The following ADK variants were observed in gnomAD, a reference collection of about 807,000 sequenced individuals.
The protein encoded by ADK is adenosine kinase, also known as N6,N6-dimethyladenosine kinase.
In ADK, 24 loss-of-function variants were observed where a neutral mutation model predicts 44.7. That is an observed-to-expected ratio of 0.54 (90% CI 0.39 to 0.76). The LOEUF (loss-of-function observed/expected upper bound fraction) is 0.76. Among genes scored for constraint, ADK ranks in the 30% least tolerant of loss-of-function variants. ADK has a pLI of 0.00. For missense variants in ADK, 321 were observed against 425.1 expected, an observed-to-expected ratio of 0.76 and a Z score of 2.15; for synonymous variants, 128 against 142.6, an observed-to-expected ratio of 0.90 and a Z score of 0.73.
At chr10:74,374,126 T>C (rs894853090) in intron 4 of ADK, among the ~76,000 whole-genome samples, 14 of 152,148 alleles carry the variant, frequency 9.2e-5, no homozygotes, top group Admixed American at 3.3e-4. Context: ...CTGGGACTTG[T>C]GAAGATGAGG....
intron 3 of ADK, among the ~76,000 whole-genome samples, chr10:74,254,208 A>G (rs771462813): frequency 1.4e-4 from 21 of 152,228 alleles, no homozygotes; most frequent in Non-Finnish European, 2.5e-4. Flanking sequence ...AGAGCATTAT[A>G]GAGATAGATT....
intron 10 of ADK, among the ~76,000 whole-genome samples, chr10:74,684,568 C>T (rs537406484): frequency 1.6e-4 from 24 of 152,170 alleles, no homozygotes; most frequent in African/African-American, 3.1e-4. Context: ...CCTAGGAGTT[C>T]AAAATGAGCC....
At chr10:74,218,298 G>A (rs978586477) in intron 2 of ADK, among the ~76,000 whole-genome samples, 10 of 152,138 alleles carry the variant, frequency 6.6e-5, no homozygotes, top group African/African-American at 2.4e-4. Flanking sequence ...GTGAAATGAA[G>A]CGAGAAGGGA....
chr10:74,520,478 A>T (rs1285199408), intron 6 of ADK, among the ~76,000 whole-genome samples: 1 of 151,992 alleles, frequency 6.6e-6, no homozygotes, highest in Admixed American at 6.6e-5. Context: ...ACACATACAC[A>T]TACCCCTATT....
At chr10:74,403,733 T>C (rs568115256) in intron 6 of ADK, among the ~76,000 whole-genome samples, 36 of 152,170 alleles carry the variant, frequency 2.4e-4, no homozygotes, top group African/African-American at 6.5e-4. Flanking sequence ...TGGCTCACAC[T>C]CTGTGGGCTG....
chr10:74,378,316 G>A (rs1481964910), intron 4 of ADK, among the ~76,000 whole-genome samples: 1 of 152,086 alleles, frequency 6.6e-6, no homozygotes, highest in African/African-American at 2.4e-5. Flanking sequence ...TTTGCAGATT[G>A]TGATATTGTG....
At chr10:74,585,428 CCTGA>C (rs1253977272) in intron 7 of ADK, among the ~76,000 whole-genome samples, 9 of 152,138 alleles carry the variant, frequency 5.9e-5, no homozygotes, top group African/African-American at 2.2e-4. Flanking sequence ...GAAAATGTGA[CCTGA>C]CTGAGAAACT....
chr10:74,581,792 G>A (rs1229105812), intron 7 of ADK, among the ~76,000 whole-genome samples: 2 of 152,064 alleles, frequency 1.3e-5, no homozygotes, highest in African/African-American at 4.8e-5. Flanking sequence ...CAGAAGGAAA[G>A]AGAATATTAA....
At chr10:74,404,599 A>G (rs1843843399) in intron 6 of ADK, among the ~76,000 whole-genome samples, 1 of 152,194 alleles carries the variant, frequency 6.6e-6, no homozygotes. Flanking sequence ...CCCCATTGCC[A>G]TCTTACTTGC....
chr10:74,525,875 G>A (rs1335892970), intron 7 of ADK, among the ~76,000 whole-genome samples: 1 of 152,000 alleles, frequency 6.6e-6, no homozygotes. Context: ...GGCTGGTCAC[G>A]AACTCCTGAC....
intron 7 of ADK, among the ~76,000 whole-genome samples, chr10:74,581,869 A>G (rs1354115690): frequency 6.6e-6 from 1 of 152,212 alleles, no homozygotes; most frequent in Admixed American, 6.5e-5. Context: ...TCAGACGTAT[A>G]AAACCTGAAA....
chr10:74,659,566 C>T (rs1307804577), intron 9 of ADK, among the ~76,000 whole-genome samples: 1 of 152,152 alleles, frequency 6.6e-6, no homozygotes, highest in Non-Finnish European at 1.5e-5. Flanking sequence ...TTGCATTAGT[C>T]AGGATTCTCT....
intron 4 of ADK, among the ~76,000 whole-genome samples, chr10:74,391,650 T>TACACACACACACACACACACACAC (rs1491120125): frequency 3.0e-5 from 4 of 134,734 alleles, no homozygotes; most frequent in African/African-American, 9.1e-5. Flanking sequence ...GAGGCAAGAA[T>TACACACACACACACACACACACAC]ATACACACAC....
chr10:74,466,072 GTCT>G (rs1318271915), intron 6 of ADK, among the ~76,000 whole-genome samples: 1 of 151,684 alleles, frequency 6.6e-6, no homozygotes, highest in Non-Finnish European at 1.5e-5. Context: ...ATGTTTTTTT[GTCT>G]CACTAATATA....
intron 6 of ADK, among the ~76,000 whole-genome samples, chr10:74,399,969 C>A (rs888504290): frequency 6.6e-6 from 1 of 152,040 alleles, no homozygotes; most frequent in Non-Finnish European, 1.5e-5. Flanking sequence ...CATGTCTAGC[C>A]AACTTTGGGT....
intron 9 of ADK, among the ~76,000 whole-genome samples, chr10:74,608,194 G>A (rs953688855): frequency 6.6e-6 from 1 of 151,636 alleles, no homozygotes; most frequent in Non-Finnish European, 1.5e-5. Flanking sequence ...TTAGCTCGGC[G>A]GAATTTGTTA....
At chr10:74,605,772 G>C (rs1852303174) in intron 9 of ADK, among the ~76,000 whole-genome samples, 1 of 152,162 alleles carries the variant, frequency 6.6e-6, no homozygotes, top group African/African-American at 2.4e-5. Flanking sequence ...AAATTAGAGA[G>C]GAGTCCCTCT....
At chr10:74,585,707 A>G (rs1851505751) in intron 7 of ADK, among the ~76,000 whole-genome samples, 1 of 152,216 alleles carries the variant, frequency 6.6e-6, no homozygotes, top group African/African-American at 2.4e-5. Flanking sequence ...CACCTGCATT[A>G]GGAACCGCCC....
intron 4 of ADK, among the ~76,000 whole-genome samples, chr10:74,323,401 T>TA (rs1278250802): frequency 1.3e-5 from 2 of 152,312 alleles, no homozygotes; most frequent in South Asian, 2.1e-4. Flanking sequence ...TTTTCTGACT[T>TA]ACGTTCGAAT....
Sources: gnomAD v4.1 joint callset for allele counts (sites outside exome capture counted in the v4.1 genomes callset) on GRCh38, gnomAD v4.1.1 for gene constraint, MANE v1.5 for transcripts, NCBI Gene and HGNC (gene_info 2026-07-23, HGNC 2026-07-21) for gene names.